The following ZNF385D variants were observed in gnomAD, a reference collection of about 807,000 sequenced individuals.
ZNF385D encodes the protein zinc finger protein 385D.
A neutral mutation model predicts 35.8 loss-of-function variants in ZNF385D; 15 were observed. The ratio of observed to expected loss-of-function variants is 0.42; its 90% CI spans 0.28 to 0.64. ZNF385D has a LOEUF of 0.64. Ranked by LOEUF, ZNF385D falls within the 30% of genes least tolerant of loss-of-function variation. ZNF385D has a pLI of 0.23. For synonymous variants in ZNF385D, 212 were observed against 186.8 expected (o/e 1.13, Z -1.10); for missense variants, 474 against 494.6 (o/e 0.96, Z 0.39).
intron 3 of ZNF385D, among the ~76,000 whole-genome samples, chr3:21,891,106 A>G (rs541578897): frequency 6.6e-6 from 1 of 152,308 alleles, no homozygotes; most frequent in Admixed American, 6.5e-5. Context: ...CAAAATGGTT[A>G]AAGTAATACT....
intron 3 of ZNF385D, among the ~76,000 whole-genome samples, chr3:21,802,567 C>G (rs1468094863): frequency 1.3e-5 from 2 of 151,988 alleles, no homozygotes; most frequent in Non-Finnish European, 2.9e-5. Context: ...AAAAAAATAG[C>G]ATCTGCAATG....
intron 1 of ZNF385D, among the ~76,000 whole-genome samples, chr3:21,726,900 TA>T (rs1375355089): frequency 1.3e-5 from 2 of 151,932 alleles, no homozygotes; most frequent in Non-Finnish European, 2.9e-5. Flanking sequence ...CTGGAGACAT[TA>T]CCCTACCTGA....
intron 2 of ZNF385D, among the ~76,000 whole-genome samples, chr3:22,317,035 T>G: frequency 6.6e-6 from 1 of 151,882 alleles, no homozygotes; most frequent in Non-Finnish European, 1.5e-5. Flanking sequence ...CCGAACACTT[T>G]GGGAGGCCGA....
At chr3:21,640,088 A>G (rs766667669) in intron 2 of ZNF385D, among the ~76,000 whole-genome samples, 3 of 151,958 alleles carry the variant, frequency 2.0e-5, no homozygotes, top group Non-Finnish European at 4.4e-5. Context: ...CTTTCTTTAA[A>G]GTTTTCACTT....
At chr3:22,027,209 T>A (rs781713490) in intron 3 of ZNF385D, among the ~76,000 whole-genome samples, 12 of 152,192 alleles carry the variant, frequency 7.9e-5, no homozygotes, top group Admixed American at 2.0e-4. Context: ...AGAGGTACAA[T>A]GCCTAGTCCA....
chr3:22,014,056 G>A (rs1335456880), intron 3 of ZNF385D, among the ~76,000 whole-genome samples: 1 of 151,986 alleles, frequency 6.6e-6, no homozygotes, highest in East Asian at 1.9e-4. Flanking sequence ...GTCAGGAATG[G>A]GAAGAAATCT....
intron 2 of ZNF385D, among the ~76,000 whole-genome samples, chr3:21,649,605 T>C (rs1021475920): frequency 2.0e-5 from 3 of 152,176 alleles, no homozygotes; most frequent in Non-Finnish European, 2.9e-5. Context: ...TATTTAAAGC[T>C]TCAGTCTCTT....
chr3:22,058,649 A>G lies in ZNF385D; in HGVS notation c.325+110168T>C, dbSNP rs956248213. On this transcript the variant is annotated intron_variant, in intron 3 of 5. Transcript: ENST00000494108. ...ATTTAAATAATTTATTGATGCCTAA[A>G]TGAAAAAATGGGACATTACCATTTG... Among the ~76,000 whole-genome samples the G allele has an allele frequency of 2.0e-5, 3 of 152,378 alleles. 1 individual carries two copies. The highest frequency in any genetic ancestry group is 2.0e-4 in the Admixed American group (3 of 15,302).
intron 3 of ZNF385D, among the ~76,000 whole-genome samples, chr3:21,787,292 CCT>C (rs2071728608): frequency 6.6e-6 from 1 of 152,104 alleles, no homozygotes; most frequent in East Asian, 1.9e-4. Context: ...TCCTTCCCCT[CCT>C]CTCCTCTTTC....
intron 2 of ZNF385D, among the ~76,000 whole-genome samples, chr3:22,275,809 G>A (rs747363916): frequency 4.8e-4 from 73 of 152,300 alleles, no homozygotes; most frequent in Non-Finnish European, 2.4e-4. Flanking sequence ...AACTGGTGGA[G>A]CACAGTGGCT....
At chr3:22,303,483 C>CT in intron 2 of ZNF385D, among the ~76,000 whole-genome samples, 1 of 152,200 alleles carries the variant, frequency 6.6e-6, no homozygotes, top group South Asian at 2.1e-4. Flanking sequence ...ATCTTGCCTC[C>CT]TTTCTTTTTA....
chr3:22,012,186 G>C (rs1410564425), intron 3 of ZNF385D, among the ~76,000 whole-genome samples: 2 of 152,102 alleles, frequency 1.3e-5, no homozygotes, highest in Non-Finnish European at 2.9e-5. Context: ...TTCAACACCA[G>C]ATTCTTGAGA....
chr3:21,969,690 T>C (rs1248947774), intron 3 of ZNF385D, among the ~76,000 whole-genome samples: 1 of 152,072 alleles, frequency 6.6e-6, no homozygotes, highest in African/African-American at 2.4e-5. Context: ...TGTAGGGTCC[T>C]TGGGCTTTAA....
intron 3 of ZNF385D, among the ~76,000 whole-genome samples, chr3:21,971,145 G>A (rs1703229683): frequency 6.6e-6 from 1 of 151,856 alleles, no homozygotes; most frequent in Admixed American, 6.6e-5. Context: ...CACTGGTAAT[G>A]GTAAGTACAT....
intron 3 of ZNF385D, among the ~76,000 whole-genome samples, chr3:21,852,343 T>C (rs1696433882): frequency 6.6e-6 from 1 of 151,882 alleles, no homozygotes; most frequent in South Asian, 2.1e-4. Context: ...ATTAATTGCA[T>C]AGTACTTTCC....
intron 3 of ZNF385D, among the ~76,000 whole-genome samples, chr3:21,950,396 G>A (rs553727448): frequency 2.0e-5 from 3 of 151,772 alleles, no homozygotes; most frequent in African/African-American, 7.3e-5. Context: ...ACTTTTTGAT[G>A]GAGGTGTTTT....
intron 3 of ZNF385D, among the ~76,000 whole-genome samples, chr3:21,969,645 G>A (rs1703123219): frequency 6.6e-6 from 1 of 152,204 alleles, no homozygotes; most frequent in Non-Finnish European, 1.5e-5. Flanking sequence ...CTGACGAGAA[G>A]GAAACGAAGC....
chr3:22,275,492 ACTTG>A (rs2125369532), intron 2 of ZNF385D, among the ~76,000 whole-genome samples: 1 of 67,780 alleles, frequency 1.5e-5, no homozygotes, highest in Non-Finnish European at 3.7e-5. Flanking sequence ...AAGACACTTT[ACTTG>A]TGCTGAAGTT....
Position 22,194,195 on chromosome 3 carries a change from T to A in ZNF385D, c.107-25160A>T, listed in dbSNP as rs1236093770. 3.3e-5 allele frequency among the ~76,000 whole-genome samples: 5 copies of A among 152,002 alleles called. No individual in the cohort carries two copies. The South Asian group carries it at 8.3e-4, about 25-fold the overall frequency. On this transcript the variant is annotated intron_variant, in intron 2 of 5. Transcript: ENST00000494108. ...TATCAGATTTTGATTGTTGATAAAT[T>A]TTTTATTAATTTTTAATTTTGCATA... is the stretch of plus-strand genomic sequence containing the variant.
Sources: gnomAD v4.1 joint callset for allele counts (sites outside exome capture counted in the v4.1 genomes callset) on GRCh38, gnomAD v4.1.1 for gene constraint, MANE v1.5 for transcripts, NCBI Gene and HGNC (gene_info 2026-07-23, HGNC 2026-07-21) for gene names.